The following SLC22A24 variants were observed in gnomAD, a reference collection of about 807,000 sequenced individuals.
The protein encoded by SLC22A24 is solute carrier family 22 member 24.
Under a neutral mutation model 49.8 loss-of-function variants are expected in SLC22A24, and 53 were observed. That is an observed-to-expected ratio of 1.06 (90% CI 0.85 to 1.34). SLC22A24 has a LOEUF of 1.34. Among genes scored for constraint, SLC22A24 ranks in the 40% most tolerant of loss-of-function variants. SLC22A24 has a pLI of 0.00. For synonymous variants in SLC22A24, 302 were observed against 256.4 expected (o/e 1.18, Z -1.70); for missense variants, 786 against 675.9 (o/e 1.16, Z -1.81).
chr11:63,098,114 A>G (rs2087067081), intron 5 of SLC22A24, among the ~76,000 whole-genome samples: 1 of 152,160 alleles, frequency 6.6e-6, no homozygotes, highest in Non-Finnish European at 1.5e-5. Context: ...TGGAAATAAT[A>G]TCAAGCATCA....
chr11:63,115,602 C>T (rs2087206905), intron 4 of SLC22A24, among the ~76,000 whole-genome samples: 1 of 152,200 alleles, frequency 6.6e-6, no homozygotes, highest in Admixed American at 6.5e-5. Context: ...GTGATATGAA[C>T]AAGGTACCTC....
At chr11:63,094,427 G>A (rs2087040063) in intron 6 of SLC22A24, among the ~76,000 whole-genome samples, 2 of 151,924 alleles carry the variant, frequency 1.3e-5, no homozygotes, top group South Asian at 4.2e-4. Context: ...TGTGAATAGT[G>A]CCACAATAAA....
intron 6 of SLC22A24, among the ~76,000 whole-genome samples, chr11:63,094,520 G>C (rs1028129444): frequency 3.9e-5 from 6 of 152,050 alleles, no homozygotes; most frequent in Non-Finnish European, 8.8e-5. Flanking sequence ...TGGGTCGACT[G>C]GTATTTCTAG....
intron 4 of SLC22A24, among the ~76,000 whole-genome samples, chr11:63,108,440 G>A (rs754439810): frequency 6.6e-6 from 1 of 152,108 alleles, no homozygotes; most frequent in African/African-American, 2.4e-5. Context: ...GATGTTGCTG[G>A]CCACATGAAA....
chr11:63,087,024 G>GCGCGCGCACACACACA (rs376936925), intron 6 of SLC22A24, among the ~76,000 whole-genome samples: 3 of 132,630 alleles, frequency 2.3e-5, no homozygotes, highest in South Asian at 2.6e-4. Flanking sequence ...CCTGGAGGGC[G>GCGCGCGCACACACACA]CACACACACA....
At position 63,141,849 on chromosome 11, in the gene SLC22A24, A is replaced by C. The variant is rs116807974; in HGVS notation, c.402+1529T>G. Among the ~76,000 whole-genome samples the C allele has an allele frequency of 4.9e-3, 751 of 152,354 alleles. 5 individuals carry two copies. Among genetic ancestry groups the C allele is most frequent in the African/African-American group, 0.017 (700 of 41,592 alleles). On this transcript the variant is annotated intron_variant, in intron 1 of 9. Transcript: ENST00000612278. ...AACTAAAGTTTGTTTTGTAAACTGT[A>C]AGTCAGTTCTATCATAATTTGTTTT... is the stretch of plus-strand genomic sequence containing the variant.
chr11:63,104,320 G>A (rs2087107912), intron 4 of SLC22A24, 22 bp from the exon 5 acceptor site: 2 of 1,534,522 alleles, frequency 1.3e-6, no homozygotes, highest in Non-Finnish European at 8.8e-7. Flanking sequence ...AGACAACATA[G>A]GTATAGTAAA....
At position 63,104,194 on chromosome 11, in the gene SLC22A24, T is replaced by C; in HGVS notation, c.935A>G (p.Glu312Gly). ...GATCACCTCAGTGGTCAGTGTCTCTTCAGTATTCTTTTTTCCATTTATGTG... is the reference window on the plus strand; with the variant it reads ...GATCACCTCAGTGGTCAGTGTCTCTCCAGTATTCTTTTTTCCATTTATGTG... ...VAHINGKKNTEETLTTELVRS... is the reference protein window; with the variant it reads ...VAHINGKKNTGETLTTELVRS... Residue 312 changes from glutamate (E) to glycine (G), a missense_variant, in exon 5 of 10, where the codon GAA (glutamate) becomes GGA (glycine). Physicochemically the swap from Glu to Gly is moderately conservative, Grantham distance 98. Transcript: ENST00000612278. The C allele has an allele frequency of 6.5e-7, 1 of 1,550,218 alleles. No individual in the cohort carries two copies. Among genetic ancestry groups the C allele is most frequent in the Non-Finnish European group, 8.7e-7 (1 of 1,146,850 alleles).
At chr11:63,099,796 A>G (rs2087079656) in intron 5 of SLC22A24, among the ~76,000 whole-genome samples, 1 of 152,126 alleles carries the variant, frequency 6.6e-6, no homozygotes, top group Middle Eastern at 3.2e-3. Flanking sequence ...AATGTGATAC[A>G]TCCTATGAAC....
chr11:63,116,123 G>T, intron 4 of SLC22A24: 1 of 427,424 alleles, frequency 2.3e-6, no homozygotes, highest in South Asian at 5.6e-5. Flanking sequence ...TGAGGGCCTT[G>T]ATAGCCTTGG....
At chr11:63,086,080 G>A (rs189729835) in intron 6 of SLC22A24, among the ~76,000 whole-genome samples, 1 of 152,304 alleles carries the variant, frequency 6.6e-6, no homozygotes, top group Admixed American at 6.5e-5. Context: ...CTTATACACT[G>A]CTGGTGGGAA....
intron 2 of SLC22A24, among the ~76,000 whole-genome samples, chr11:63,125,901 A>C (rs1159929982): frequency 1.1e-4 from 17 of 152,150 alleles, no homozygotes; most frequent in Admixed American, 9.8e-4. Flanking sequence ...CATTTCTCTG[A>C]TGACTGGTGA....
At chr11:63,109,031 G>A (rs1565330055) in intron 4 of SLC22A24, among the ~76,000 whole-genome samples, 1 of 134,322 alleles carries the variant, frequency 7.4e-6, no homozygotes, top group Non-Finnish European at 1.5e-5. Flanking sequence ...AGAGTGTGAT[G>A]TTCCCCTTCC....
intron 2 of SLC22A24, among the ~76,000 whole-genome samples, chr11:63,119,737 G>C (rs969712533): frequency 3.3e-5 from 5 of 152,158 alleles, no homozygotes; most frequent in African/African-American, 1.2e-4. Context: ...TCTCTGCACT[G>C]TCCAGGTAAA....
chr11:63,122,383 A>G (rs1047896842), intron 2 of SLC22A24, among the ~76,000 whole-genome samples: 14 of 152,176 alleles, frequency 9.2e-5, no homozygotes, highest in Admixed American at 2.6e-4. Context: ...TAAAACATCA[A>G]TGAGGATTAT....
chr11:63,125,091 C>T (rs367904815), intron 2 of SLC22A24, among the ~76,000 whole-genome samples: 1 of 142,106 alleles, frequency 7.0e-6, no homozygotes, highest in East Asian at 2.1e-4. Flanking sequence ...TACCCTAAAA[C>T]TTAAAGTATA....
At chr11:63,141,684 A>G (rs1180070638) in intron 1 of SLC22A24, among the ~76,000 whole-genome samples, 1 of 152,208 alleles carries the variant, frequency 6.6e-6, no homozygotes, top group East Asian at 1.9e-4. Flanking sequence ...GTTCAAACCC[A>G]TGGCTGGGCT....
chr11:63,102,276 T>C (rs769296777), intron 5 of SLC22A24, among the ~76,000 whole-genome samples: 5 of 152,110 alleles, frequency 3.3e-5, no homozygotes, highest in Non-Finnish European at 5.9e-5. Context: ...TTTGGAATAC[T>C]GTTATGAAAA....
intron 2 of SLC22A24, among the ~76,000 whole-genome samples, chr11:63,129,355 A>AC (rs2087317022): frequency 1.3e-5 from 2 of 152,224 alleles, no homozygotes; most frequent in Non-Finnish European, 2.9e-5. Flanking sequence ...TGGTACCCGT[A>AC]CCATGCTGTT....
Sources: allele counts gnomAD v4.1 joint callset (sites outside exome capture counted in the v4.1 genomes callset), GRCh38; gene constraint gnomAD v4.1.1; transcripts MANE v1.5; gene names NCBI Gene and HGNC (gene_info 2026-07-23, HGNC 2026-07-21).